DLG2: variants seen among roughly 807,000 people sequenced by gnomAD.
DLG2 encodes the protein discs large MAGUK scaffold protein 2.
Under a neutral mutation model 132.5 loss-of-function variants are expected in DLG2, and 45 were observed. The ratio of observed to expected loss-of-function variants is 0.34; its 90% CI spans 0.27 to 0.44. The LOEUF is 0.44. DLG2 is among the 20% of genes least tolerant of loss of function. The probability of loss-of-function intolerance (pLI) is 1.00; values close to 1 mark genes in which losing one functional copy is unlikely to be tolerated. For synonymous variants in DLG2, 424 were observed against 419.6 expected, an observed-to-expected ratio of 1.01 and a Z score of -0.13; for missense variants, 1,045 against 1,196.9, an observed-to-expected ratio of 0.87 and a Z score of 1.87.
chr11:85,422,642 C>A (rs1320468656), intron 3 of DLG2, among the ~76,000 whole-genome samples: 1 of 151,974 alleles, frequency 6.6e-6, no homozygotes, highest in Non-Finnish European at 1.5e-5. Context: ...AGACACGTGC[C>A]ACCACATCTG....
In DLG2 at chr11:83,506,716, AG is replaced by A. The variant is rs770175406; in HGVS notation, c.2194-22489del. Among the ~76,000 whole-genome samples, 14 of 152,326 alleles carry A rather than the reference AG, an allele frequency of 9.2e-5. No individual in the cohort carries two copies. In the East Asian group the frequency reaches 1.7e-3, roughly 19 times the overall value. On this transcript the variant is annotated intron_variant, in intron 21 of 27. Coordinates refer to ENST00000376104, the MANE Select transcript of DLG2 (RefSeq NM_001142699.3). Reference sequence around the variant, plus strand: ...GGAAGCTGTTTCTTCTGGCAAAAAAAGGTTCATCAGAATTTACAAACTTAGT... The same window carrying A: ...GGAAGCTGTTTCTTCTGGCAAAAAAAGTTCATCAGAATTTACAAACTTAGT...
chr11:85,116,677 T>C (rs1475599682), intron 5 of DLG2, among the ~76,000 whole-genome samples: 2 of 151,854 alleles, frequency 1.3e-5, no homozygotes. Flanking sequence ...ACATTATAGG[T>C]GGAAATATGT....
chr11:83,649,906 G>A (rs559238286), intron 18 of DLG2, among the ~76,000 whole-genome samples: 10 of 152,168 alleles, frequency 6.6e-5, no homozygotes, highest in Non-Finnish European at 1.2e-4. Flanking sequence ...GTTTCTCAAT[G>A]TGCTCTTGCT....
intron 3 of DLG2, among the ~76,000 whole-genome samples, chr11:85,318,456 CA>C (rs2080836904): frequency 6.6e-6 from 1 of 151,718 alleles, no homozygotes; most frequent in Admixed American, 6.6e-5. Context: ...AAGGAAAGTA[CA>C]CTCTACGTTT....
At chr11:84,517,444 G>T (rs917714153) in intron 7 of DLG2, among the ~76,000 whole-genome samples, 22 of 151,730 alleles carry the variant, frequency 1.4e-4, no homozygotes, top group Admixed American at 3.3e-4. Flanking sequence ...AAAACAATGA[G>T]ATATCATCTC....
rs543537164 is a variant in DLG2, at chr11:84,484,690, A to T, written c.519+49880T>A. Among the ~76,000 whole-genome samples, 12 of 152,290 alleles carry T rather than the reference A, an allele frequency of 7.9e-5. No homozygotes were observed. The East Asian group carries it at 1.5e-3, about 20-fold the overall frequency. ...TCGACTGGCTCTGGGATGTTGGCAAATTAAGAGTTTTTGAACTTGCAAAAT... is the reference window on the plus strand; with the variant it reads ...TCGACTGGCTCTGGGATGTTGGCAATTTAAGAGTTTTTGAACTTGCAAAAT... On this transcript the variant is annotated intron_variant, in intron 7 of 27. Coordinates refer to ENST00000376104, the MANE Select transcript of DLG2 (RefSeq NM_001142699.3).
chr11:83,875,644 G>C (rs191838772), intron 15 of DLG2, among the ~76,000 whole-genome samples: 3 of 152,112 alleles, frequency 2.0e-5, no homozygotes, highest in Non-Finnish European at 1.5e-5. Context: ...TTAGTTTATA[G>C]TATTAGTTAA....
At chr11:84,276,734 T>C (rs979764193) in intron 7 of DLG2, among the ~76,000 whole-genome samples, 42 of 152,206 alleles carry the variant, frequency 2.8e-4, no homozygotes, top group Non-Finnish European at 2.9e-5. Context: ...GACCTCAGAA[T>C]ACCTAACGGT....
chr11:84,321,521 T>C, intron 7 of DLG2, among the ~76,000 whole-genome samples: 1 of 152,266 alleles, frequency 6.6e-6, no homozygotes, highest in East Asian at 1.9e-4. Context: ...TGTCTGTGCC[T>C]CACACTCTTG....
chr11:83,916,984 G>T (rs2077025020), intron 15 of DLG2, among the ~76,000 whole-genome samples: 1 of 152,044 alleles, frequency 6.6e-6, no homozygotes, highest in Non-Finnish European at 1.5e-5. Flanking sequence ...TAAGTGTTTG[G>T]GTGGAAAGTT....
At chr11:83,801,743 T>C (rs2044449790) in intron 17 of DLG2, among the ~76,000 whole-genome samples, 1 of 152,160 alleles carries the variant, frequency 6.6e-6, no homozygotes, top group African/African-American at 2.4e-5. Flanking sequence ...GGCCCACATG[T>C]TATTCTGTTT....
chr11:83,711,975 G>A (rs1437262263), intron 18 of DLG2, among the ~76,000 whole-genome samples: 1 of 152,010 alleles, frequency 6.6e-6, no homozygotes, highest in African/African-American at 2.4e-5. Context: ...TTATTAAAAA[G>A]TCAAAAAGCA....
At chr11:84,325,566 A>G (rs1046759728) in intron 7 of DLG2, among the ~76,000 whole-genome samples, 4 of 152,126 alleles carry the variant, frequency 2.6e-5, no homozygotes, top group Admixed American at 2.0e-4. Context: ...TAAATTTCGT[A>G]TGTTGAACCA....
intron 8 of DLG2, among the ~76,000 whole-genome samples, chr11:84,220,282 C>T (rs761313495): frequency 2.0e-5 from 3 of 152,136 alleles, no homozygotes; most frequent in East Asian, 3.8e-4. Flanking sequence ...CACAGATTAC[C>T]GATTTATGTA....
chr11:84,801,341 G>A (rs866102130), intron 6 of DLG2, among the ~76,000 whole-genome samples: 3 of 152,100 alleles, frequency 2.0e-5, no homozygotes, highest in African/African-American at 7.2e-5. Context: ...AGGCCGAGGC[G>A]GGCGGATCAC....
intron 4 of DLG2, among the ~76,000 whole-genome samples, chr11:85,175,059 T>G (rs1287880798): frequency 6.6e-6 from 1 of 152,150 alleles, no homozygotes; most frequent in Non-Finnish European, 1.5e-5. Context: ...CTGGTACCAT[T>G]TCTAATGAAA....
intron 7 of DLG2, among the ~76,000 whole-genome samples, chr11:84,366,406 T>C (rs1164418204): frequency 1.3e-5 from 2 of 151,164 alleles, no homozygotes; most frequent in Non-Finnish European, 3.0e-5. Flanking sequence ...CTGCATCAAC[T>C]AACGAGCAAA....
At chr11:85,072,944 C>A (rs2154167907) in intron 6 of DLG2, among the ~76,000 whole-genome samples, 2 of 151,832 alleles carry the variant, frequency 1.3e-5, no homozygotes, top group South Asian at 4.2e-4. Flanking sequence ...AAACAACAAC[C>A]TAATGCATTC....
At chr11:84,407,739 G>A (rs1300240963) in intron 7 of DLG2, among the ~76,000 whole-genome samples, 7 of 152,152 alleles carry the variant, frequency 4.6e-5, no homozygotes, top group African/African-American at 1.2e-4. Flanking sequence ...TCACAGATAA[G>A]GCACTGAAAC....
Sources: allele counts gnomAD v4.1 joint callset (sites outside exome capture counted in the v4.1 genomes callset), GRCh38; gene constraint gnomAD v4.1.1; transcripts MANE v1.5; gene names NCBI Gene and HGNC (gene_info 2026-07-23, HGNC 2026-07-21).